PTPRD: variants seen among roughly 807,000 people sequenced by gnomAD.
The protein encoded by PTPRD is protein tyrosine phosphatase receptor type D.
Under a neutral mutation model 214.5 loss-of-function variants are expected in PTPRD, and 34 were observed. The ratio of observed to expected loss-of-function variants is 0.16; its 90% CI spans 0.12 to 0.21. The LOEUF (loss-of-function observed/expected upper bound fraction) is 0.21, where lower values mean the gene tolerates loss of function less well. Among genes scored for constraint, PTPRD ranks in the 10% least tolerant of loss-of-function variants. The pLI is 1.00. For missense variants in PTPRD, 2,545 were observed against 2,398.7 expected (o/e 1.06, Z -1.27); for synonymous variants, 1,128 against 845.7 (o/e 1.33, Z -5.79).
chr9:10,590,303 T>C (rs1382229228), intron 2 of PTPRD, among the ~76,000 whole-genome samples: 1 of 152,036 alleles, frequency 6.6e-6, no homozygotes, highest in Non-Finnish European at 1.5e-5. Context: ...AATCTTTTTT[T>C]TACATTTTAA....
chr9:9,293,218 C>T (rs1410196422), intron 9 of PTPRD, among the ~76,000 whole-genome samples: 2 of 151,436 alleles, frequency 1.3e-5, no homozygotes, highest in African/African-American at 4.8e-5. Flanking sequence ...AATTCATTTA[C>T]CTATTTAATC....
chr9:9,513,503 C>T (rs1219540210), intron 8 of PTPRD, among the ~76,000 whole-genome samples: 1 of 151,370 alleles, frequency 6.6e-6, no homozygotes, highest in Non-Finnish European at 1.5e-5. Flanking sequence ...TAACATTTTG[C>T]TTTTTCTTAA....
chr9:10,365,188 A>G (rs2097491819), intron 2 of PTPRD, among the ~76,000 whole-genome samples: 1 of 152,062 alleles, frequency 6.6e-6, no homozygotes, highest in South Asian at 2.1e-4. Context: ...ATTCTTTGAT[A>G]CTCTCCTCAG....
chr9:10,208,818 ATTAAT>A (rs1376349677), intron 3 of PTPRD, among the ~76,000 whole-genome samples: 1 of 152,100 alleles, frequency 6.6e-6, no homozygotes, highest in African/African-American at 2.4e-5. Flanking sequence ...ACAGATGCTT[ATTAAT>A]TAAGTGTGGG....
Position 9,480,416 on chromosome 9 carries a change from A to G in PTPRD, c.-236-82934T>C, listed in dbSNP as rs190769246. ...ATATAAGTTCCTTTTCAAATATAAA[A>G]GAATTTTCTTCCAGATCTCAAAACA... On this transcript the variant is annotated intron_variant, in intron 8 of 45. Transcript: ENST00000381196. Among the ~76,000 whole-genome samples, 600 of 152,304 alleles carry G rather than the reference A, an allele frequency of 3.9e-3. 5 individuals carry two copies. The highest frequency in any genetic ancestry group is 0.031 in the Middle Eastern group (9 of 294).
rs74672520 is a variant in PTPRD, at chr9:8,668,962, C to G, written c.65-32118G>C. On this transcript the variant is annotated intron_variant, in intron 12 of 45. Coordinates refer to ENST00000381196, the MANE Select transcript of PTPRD (RefSeq NM_002839.4). ...CTACAAGTACCTCCCCTCAGCCTGT[C>G]CACCCCTTCCCCAGCTGTCACAAGA... is the stretch of plus-strand genomic sequence containing the variant. Among the ~76,000 whole-genome samples, 59 of 152,196 alleles carry G rather than the reference C, an allele frequency of 3.9e-4. No homozygotes were observed. The East Asian group carries it at 9.7e-3, about 25-fold the overall frequency.
At chr9:9,930,348 C>T (rs1007426458) in intron 5 of PTPRD, among the ~76,000 whole-genome samples, 1 of 152,148 alleles carries the variant, frequency 6.6e-6, no homozygotes, top group Non-Finnish European at 1.5e-5. Context: ...AAGAATGGAC[C>T]TGGAAACCAC....
chr9:9,488,451 C>T (rs531161499), intron 8 of PTPRD, among the ~76,000 whole-genome samples: 1 of 152,292 alleles, frequency 6.6e-6, no homozygotes, highest in African/African-American at 2.4e-5. Flanking sequence ...TGGAAAGCAA[C>T]TGGAGAATAG....
At chr9:9,396,334 C>G (rs1223849630) in intron 9 of PTPRD, among the ~76,000 whole-genome samples, 1 of 151,984 alleles carries the variant, frequency 6.6e-6, no homozygotes, top group East Asian at 1.9e-4. Context: ...CACCTAGGAA[C>G]TAATAGAAAT....
intron 3 of PTPRD, among the ~76,000 whole-genome samples, chr9:10,046,246 T>C (rs2097392978): frequency 6.6e-6 from 1 of 151,866 alleles, no homozygotes. Flanking sequence ...TTCTGCTTTA[T>C]CTAATTATTT....
At chr9:8,766,363 G>C (rs1164480297) in intron 11 of PTPRD, among the ~76,000 whole-genome samples, 1 of 152,022 alleles carries the variant, frequency 6.6e-6, no homozygotes, top group Non-Finnish European at 1.5e-5. Context: ...GAGTAAGTAT[G>C]TGTGAGTGTA....
intron 4 of PTPRD, among the ~76,000 whole-genome samples, chr9:10,013,890 CTTT>C (rs2096649849): frequency 6.6e-6 from 1 of 151,728 alleles, no homozygotes; most frequent in Non-Finnish European, 1.5e-5. Context: ...TTTGTTTCTT[CTTT>C]GTGTATAGCT....
At chr9:10,452,958 C>G (rs2098855257) in intron 2 of PTPRD, among the ~76,000 whole-genome samples, 4 of 149,860 alleles carry the variant, frequency 2.7e-5, no homozygotes, top group African/African-American at 7.6e-5. Flanking sequence ...TGGTTTCAGA[C>G]CTTATATTTA....
At chr9:9,823,712 C>G (rs1459318592) in intron 5 of PTPRD, among the ~76,000 whole-genome samples, 1 of 151,918 alleles carries the variant, frequency 6.6e-6, no homozygotes, top group Non-Finnish European at 1.5e-5. Context: ...AGAATAATGA[C>G]TACCAGAGGC....
chr9:9,456,673 T>A lies in PTPRD; in HGVS notation c.-236-59191A>T, dbSNP rs115452300. 7.9e-3 allele frequency among the ~76,000 whole-genome samples: 1,197 copies of A among 152,066 alleles called. 11 individuals are homozygous for A. Among genetic ancestry groups the A allele is most frequent in the African/African-American group, 0.028 (1,147 of 41,564 alleles). ...TGCTTATTATGAGCTATACATTTCATACATATCTGTATTTTTTCATTTACT... is the reference window on the plus strand; with the variant it reads ...TGCTTATTATGAGCTATACATTTCAAACATATCTGTATTTTTTCATTTACT... On this transcript the variant is annotated intron_variant, in intron 8 of 45. Transcript: ENST00000381196.
chr9:9,338,633 A>T (rs74355445), intron 9 of PTPRD, among the ~76,000 whole-genome samples: 2 of 152,144 alleles, frequency 1.3e-5, no homozygotes, highest in Admixed American at 6.6e-5. Flanking sequence ...TTTATTCAAA[A>T]TTTTTAAAAT....
intron 8 of PTPRD, among the ~76,000 whole-genome samples, chr9:9,481,325 A>G (rs35984437): frequency 0.1 from 15,881 of 152,184 alleles, 853 homozygotes; most frequent in South Asian, 0.15. Context: ...TTTTCAATCA[A>G]TTTGATTAGC....
At chr9:9,479,483 A>G (rs1050569584) in intron 8 of PTPRD, among the ~76,000 whole-genome samples, 3 of 152,110 alleles carry the variant, frequency 2.0e-5, no homozygotes, top group Admixed American at 6.6e-5. Flanking sequence ...CCTTGTATCA[A>G]TTAAGTCCCT....
intron 5 of PTPRD, among the ~76,000 whole-genome samples, chr9:9,930,413 T>C (rs747253882): frequency 1.3e-5 from 2 of 152,196 alleles, no homozygotes; most frequent in African/African-American, 2.4e-5. Flanking sequence ...GTTAACAATA[T>C]TTCTACAGAG....
Sources: allele counts gnomAD v4.1 joint callset (sites outside exome capture counted in the v4.1 genomes callset), GRCh38; gene constraint gnomAD v4.1.1; transcripts MANE v1.5; gene names NCBI Gene and HGNC (gene_info 2026-07-23, HGNC 2026-07-21).